Variants in ADCY9 observed in about 807,000 individuals in gnomAD.
ADCY9 encodes the protein adenylate cyclase type 9.
ADCY9 carries 50 observed loss-of-function variants against 101.5 expected under a neutral mutation model. The ratio of observed to expected loss-of-function variants is 0.49; its 90% confidence interval spans 0.39 to 0.62. The LOEUF (loss-of-function observed/expected upper bound fraction) is 0.62, where lower values mean the gene tolerates loss of function less well. Ranked by LOEUF, ADCY9 falls within the 20% of genes least tolerant of loss-of-function variation. The pLI is 0.00. For synonymous variants in ADCY9, 905 were observed against 769.3 expected (o/e 1.18, Z -2.92); for missense variants, 1,662 against 1,800.4 (o/e 0.92, Z 1.39).
rs2056314840 is a variant in ADCY9 at position 3,999,426 on chromosome 16, GC to G, written c.1885-5917del. On this transcript the variant is annotated intron_variant, in intron 3 of 10. Coordinates refer to ENST00000294016, the MANE Select transcript of ADCY9 (RefSeq NM_001116.4). ...TCCGCAGACGGCCACAGACTCCAGGGCCCTGGGACCCGGACCACCGTCATAT... is the reference window on the plus strand; with the variant it reads ...TCCGCAGACGGCCACAGACTCCAGGGCCTGGGACCCGGACCACCGTCATAT... Among the ~76,000 whole-genome samples, 4 of 152,228 alleles carry G rather than the reference GC, an allele frequency of 2.6e-5. No individual in the cohort carries two copies. In the South Asian group the frequency reaches 8.3e-4, roughly 32 times the overall value.
intron 5 of ADCY9, among the ~76,000 whole-genome samples, chr16:3,989,916 G>A (rs905622030): frequency 4.6e-5 from 7 of 152,194 alleles, no homozygotes; most frequent in Admixed American, 6.5e-5. Flanking sequence ...TTTATAGTTA[G>A]CGTAATTTTG....
In ADCY9 at chr16:3,965,568, G is replaced by A. The variant is rs1225575654; in HGVS notation, c.*207C>T. The A allele has an allele frequency of 3.8e-5, 23 of 603,124 alleles. No individual in the cohort carries two copies. Among genetic ancestry groups the A allele is most frequent in the Non-Finnish European group, 6.1e-5 (21 of 343,676 alleles). 37.4% of individuals were successfully genotyped at this position (603,124 alleles called of 1,614,324 possible). On this transcript the variant is annotated 3_prime_UTR_variant, in exon 11 of 11. Coordinates refer to ENST00000294016, the MANE Select transcript of ADCY9 (RefSeq NM_001116.4). Reference sequence around the variant, plus strand: ...GCTGAACGGATGACCCAGAGGCAGCGGGGTTTCCAGGGAAGGGAGCGAAAG... The same window carrying A: ...GCTGAACGGATGACCCAGAGGCAGCAGGGTTTCCAGGGAAGGGAGCGAAAG...
chr16:3,956,092 C>T (rs1024718205), intron 5 of ADCY9, among the ~76,000 whole-genome samples: 7 of 151,842 alleles, frequency 4.6e-5, no homozygotes, highest in African/African-American at 9.7e-5. Context: ...TTTGTAGAAA[C>T]GAGGTCTCAC....
chr16:4,008,223 G>A (rs2056380506), intron 2 of ADCY9, among the ~76,000 whole-genome samples: 1 of 151,278 alleles, frequency 6.6e-6, no homozygotes, highest in Non-Finnish European at 1.5e-5. Flanking sequence ...AAAAAAGGTG[G>A]TCAAAAGGAC....
chr16:3,957,127 A>G (rs2141662079), intron 5 of ADCY9, among the ~76,000 whole-genome samples: 2 of 152,286 alleles, frequency 1.3e-5, no homozygotes, highest in South Asian at 4.2e-4. Context: ...CTTTCCTTGA[A>G]AAGGAGGAGG....
chr16:4,019,971 G>C (rs374847481), intron 2 of ADCY9, among the ~76,000 whole-genome samples: 2 of 152,134 alleles, frequency 1.3e-5, no homozygotes, highest in African/African-American at 4.8e-5. Flanking sequence ...CCAGCTACTC[G>C]GGAGGCTGAG....
chr16:4,078,383 G>C (rs1413098463), intron 2 of ADCY9, among the ~76,000 whole-genome samples: 1 of 152,006 alleles, frequency 6.6e-6, no homozygotes, highest in African/African-American at 2.4e-5. Context: ...GCAATATAAT[G>C]AGACCTCCAT....
At chr16:4,099,878 C>T (rs577435222) in intron 2 of ADCY9, among the ~76,000 whole-genome samples, 2 of 152,300 alleles carry the variant, frequency 1.3e-5, no homozygotes, top group East Asian at 3.9e-4. Context: ...ATGGCAAGAC[C>T]CTGTCTCTCT....
downstream of ADCY9, among the ~76,000 whole-genome samples, chr16:3,961,654 A>G (rs1054442968): frequency 2.0e-5 from 3 of 152,110 alleles, no homozygotes; most frequent in African/African-American, 7.2e-5. Flanking sequence ...TCCATGAGCA[A>G]CCACCAGAAG....
chr16:4,001,715 A>G (rs896961289), intron 3 of ADCY9, among the ~76,000 whole-genome samples: 4 of 149,824 alleles, frequency 2.7e-5, no homozygotes, highest in Non-Finnish European at 5.9e-5. Flanking sequence ...TGCCTGGCTA[A>G]CTTTTATAGT....
chr16:4,002,933 C>T (rs1375285631), intron 3 of ADCY9, among the ~76,000 whole-genome samples: 1 of 152,194 alleles, frequency 6.6e-6, no homozygotes, highest in Non-Finnish European at 1.5e-5. Context: ...CCAGGCTGGC[C>T]TTGAACTCCT....
intron 9 of ADCY9, among the ~76,000 whole-genome samples, chr16:3,975,196 G>A (rs989570461): frequency 6.6e-6 from 1 of 152,170 alleles, no homozygotes; most frequent in Non-Finnish European, 1.5e-5. Context: ...AAGGTAAAAA[G>A]CAGTTTGCTG....
At chr16:3,986,144 T>C (rs966028067) in intron 6 of ADCY9, among the ~76,000 whole-genome samples, 4 of 152,344 alleles carry the variant, frequency 2.6e-5, no homozygotes, top group Non-Finnish European at 4.4e-5. Context: ...TCCACCATGA[T>C]TAGCTATGAT....
intron 2 of ADCY9, among the ~76,000 whole-genome samples, chr16:4,057,645 G>A (rs1460032465): frequency 6.6e-6 from 1 of 152,208 alleles, no homozygotes; most frequent in African/African-American, 2.4e-5. Flanking sequence ...GCACGCCAGA[G>A]GGCCCCCACA....
At chr16:4,026,798 C>T (rs1434324247) in intron 2 of ADCY9, among the ~76,000 whole-genome samples, 1 of 152,194 alleles carries the variant, frequency 6.6e-6, no homozygotes. Flanking sequence ...GGCAAAACTA[C>T]AGGGAATGGA....
intron 2 of ADCY9, among the ~76,000 whole-genome samples, chr16:4,061,425 T>A (rs2056772796): frequency 6.6e-6 from 1 of 152,116 alleles, no homozygotes; most frequent in South Asian, 2.1e-4. Context: ...ATAGCCAAAC[T>A]GCTGGAAGCC....
chr16:4,084,972 T>C (rs1272772203), intron 2 of ADCY9, among the ~76,000 whole-genome samples: 1 of 152,134 alleles, frequency 6.6e-6, no homozygotes, highest in East Asian at 1.9e-4. Context: ...TTTTTAAAAG[T>C]CTTCAGACGC....
At chr16:4,056,788 A>C (rs2299669) in intron 2 of ADCY9, among the ~76,000 whole-genome samples, 1 of 151,886 alleles carries the variant, frequency 6.6e-6, no homozygotes, top group Non-Finnish European at 1.5e-5. Flanking sequence ...ATAATTCGGC[A>C]TGACGATGGA....
intron 2 of ADCY9, among the ~76,000 whole-genome samples, chr16:4,054,924 C>T (rs990248491): frequency 4.6e-5 from 7 of 152,210 alleles, no homozygotes; most frequent in African/African-American, 7.2e-5. Flanking sequence ...TGCTGTACAA[C>T]ACCACTCGAG....
Sources: gnomAD v4.1 joint callset for allele counts (sites outside exome capture counted in the v4.1 genomes callset) on GRCh38, gnomAD v4.1.1 for gene constraint, MANE v1.5 for transcripts, NCBI Gene and HGNC (gene_info 2026-07-23, HGNC 2026-07-21) for gene names.